ITGA7: variants seen among roughly 807,000 people sequenced by gnomAD.
ITGA7 encodes integrin subunit alpha 7.
ITGA7 carries 84 observed loss-of-function variants against 131.6 expected under a neutral mutation model. The observed-to-expected ratio is 0.64, with a 90% confidence interval of 0.54 to 0.77. The LOEUF is 0.77. ITGA7 is among the 30% of genes least tolerant of loss of function. The pLI, the probability that ITGA7 is intolerant of heterozygous loss-of-function variation, is 0.00. For synonymous variants in ITGA7, 548 were observed against 600.7 expected (o/e 0.91, Z 1.28); for missense variants, 1,399 against 1,482.9 (o/e 0.94, Z 0.93).
upstream of ITGA7, among the ~76,000 whole-genome samples, chr12:55,711,598 C>T (rs1876124726): frequency 1.3e-5 from 2 of 151,950 alleles, no homozygotes; most frequent in Admixed American, 1.3e-4. Context: ...CACTGTACTT[C>T]AGCCTGGGCA....
chr12:55,700,904 C>A lies in ITGA7; in HGVS notation c.665G>T (p.Trp222Leu), dbSNP rs755469771. Residue 222 changes from tryptophan to leucine, a missense_variant, in exon 4 of 25, where the codon TGG (tryptophan) becomes TTG (leucine). Trp to Leu is a moderately conservative substitution (Grantham distance 61). Transcript: ENST00000257879. ...LLFGAPGTYN[W>L]KGLLFVTNID... ...CTTCCCGAGGAGTGACTCACCCTTC[C>A]AATTATAGGTTCCTGGGGCCCCAAA... 3.7e-6 allele frequency: 6 copies of A among 1,614,204 alleles called. No individual in the cohort carries two copies. The highest frequency in any genetic ancestry group is 5.1e-6 in the Non-Finnish European group (6 of 1,180,024).
In ITGA7 at chr12:55,697,055, C is replaced by T. The variant is rs2136020643; in HGVS notation, c.1581G>A (p.Val527=). The change falls in exon 12 of 25, where the codon GTG becomes GTA. Residue 527 remains valine, a synonymous_variant. Coordinates refer to ENST00000257879, the MANE Select transcript of ITGA7 (RefSeq NM_002206.3). ...SYSPTVALDY[V]LDADTDRRLR... ...GCCTCCGGTCTGTGTCCGCATCTAA[C>T]ACATAGTCCAGGGCTGTGGCATGTT... 1 of 1,613,934 alleles carries T rather than the reference C, an allele frequency of 6.2e-7. No individual in the cohort carries two copies. Among genetic ancestry groups the T allele is most frequent in the Non-Finnish European group, 8.5e-7 (1 of 1,179,930 alleles).
At chr12:55,700,129 G>T in intron 4 of ITGA7, 140 bp from the exon 5 acceptor site, 1 of 1,407,724 alleles carries the variant, frequency 7.1e-7, no homozygotes, top group South Asian at 1.3e-5. Context: ...AGAGATCACA[G>T]CCAGAGACAG....
rs1171244321 is a variant in ITGA7, at chr12:55,695,574, G to A, written c.1951C>T (p.Arg651Cys). ...KICQSNLQLV[R>C]ARFCTRVSDT... ...CTGACCCGGGTACAGAAGCGGGCGC[G>A]GACCAGCTGCAGATTGCTCTGGCAG... The change falls in exon 14 of 25, where the codon CGC becomes TGC. Residue 651 changes from arginine to cysteine, a missense_variant. Transcript: ENST00000257879. The A allele has an allele frequency of 4.3e-6, 7 of 1,613,800 alleles. No individual in the cohort carries two copies. Among genetic ancestry groups the A allele is most frequent in the African/African-American group, 1.3e-5 (1 of 74,820 alleles).
At chr12:55,714,356 CA>C (rs34086588), upstream of ITGA7, among the ~76,000 whole-genome samples, 63,955 of 136,686 alleles carry the variant, frequency 0.47, 9,641 homozygotes, top group East Asian at 0.72. Flanking sequence ...ACTAAAAATA[CA>C]AAAAAAAAAA....
chr12:55,703,772 T>C (rs1231904272), intron 1 of ITGA7, among the ~76,000 whole-genome samples: 1 of 152,072 alleles, frequency 6.6e-6, no homozygotes, highest in Non-Finnish European at 1.5e-5. Flanking sequence ...CAGGATTCCA[T>C]CAGTCACTCT....
upstream of ITGA7, among the ~76,000 whole-genome samples, chr12:55,713,717 T>C (rs1876299814): frequency 6.6e-6 from 1 of 152,246 alleles, no homozygotes; most frequent in South Asian, 2.1e-4. Flanking sequence ...TTTATTAGAA[T>C]TTTTATTTTG....
Position 55,685,174 on chromosome 12 carries a change from G to C in ITGA7, c.3298C>G (p.Leu1100Val), listed in dbSNP as rs750145019. The C allele has an allele frequency of 6.2e-7, 1 of 1,614,160 alleles. No homozygotes were observed. The highest frequency in any genetic ancestry group is 8.5e-7 in the Non-Finnish European group (1 of 1,180,022). ...CGGGGGCTGCCCCAGTTGTTCCTCA[G>C]GATGGTGCCCGTCTTCTCCTCCTTG... ...QFKEEKTGTILRNNWGSPRRE... is the reference protein window; with the variant it reads ...QFKEEKTGTIVRNNWGSPRRE... The change falls in exon 25 of 25, where the codon CTG (leucine) becomes GTG (valine). Residue 1100 changes from leucine to valine, a missense_variant. By Grantham distance (32) the Leu-to-Val change is conservative. Transcript: ENST00000257879.
intron 12 of ITGA7, 144 bp from the exon 13 acceptor site, chr12:55,696,576 A>G (rs1042324818): frequency 7.9e-6 from 8 of 1,011,296 alleles, no homozygotes; most frequent in African/African-American, 1.6e-5. Flanking sequence ...CTGAGCAAGG[A>G]GGAGGGAGAA....
chr12:55,686,986 C>T (rs979360866), intron 24 of ITGA7, among the ~76,000 whole-genome samples: 7 of 152,068 alleles, frequency 4.6e-5, no homozygotes, highest in African/African-American at 1.7e-4. Flanking sequence ...TACATCCTCA[C>T]CCTACTACCC....
rs1261789446 is a variant in ITGA7, at chr12:55,698,803, G to C, written c.905C>G (p.Ala302Gly). ...CATAACCTCGGGCACCAGGCGACTG[G>C]CGCTGTCCTTGCGCAGGATGACCAC... is the stretch of plus-strand genomic sequence containing the variant. ...GAVVILRKDS[A>G]SRLVPEVMLS... Residue 302 changes from alanine to glycine, a missense_variant, in exon 6 of 25, where the codon GCC becomes GGC. Transcript: ENST00000257879. 6.2e-7 allele frequency: 1 copy of C among 1,614,118 alleles called. No homozygotes were observed. The highest frequency in any genetic ancestry group is 2.2e-5 in the East Asian group (1 of 44,880).
At chr12:55,704,205 C>T (rs1874690768) in intron 1 of ITGA7, among the ~76,000 whole-genome samples, 1 of 152,250 alleles carries the variant, frequency 6.6e-6, no homozygotes, top group Non-Finnish European at 1.5e-5. Context: ...TCTTCTCCTC[C>T]ATCTCCCTTC....
intron 22 of ITGA7, 63 bp from the exon 23 acceptor site, chr12:55,688,363 C>T (rs997334501): frequency 8.7e-7 from 1 of 1,145,136 alleles, no homozygotes; most frequent in Non-Finnish European, 1.3e-6. Flanking sequence ...CTTCCCCTTA[C>T]CTCCTGAAAT....
upstream of ITGA7, among the ~76,000 whole-genome samples, chr12:55,714,273 G>A (rs1387786265): frequency 1.3e-5 from 2 of 152,166 alleles, no homozygotes; most frequent in African/African-American, 4.8e-5. Context: ...AGCACTTTGG[G>A]AGGCCGAGGC....
chr12:55,701,104 C>A lies in ITGA7; in HGVS notation c.465G>T (p.Glu155Asp), dbSNP rs866320745. 3.7e-6 allele frequency: 6 copies of A among 1,614,266 alleles called. No individual in the cohort carries two copies. In the Middle Eastern group the frequency reaches 9.9e-4, roughly 266 times the overall value. ...EARQRVDQIL[E>D]TRDMIGRCFV... Reference sequence around the variant, plus strand: ...AGCAGCGACCAATCATATCCCGCGTCTCCAGGATCTGGTCCACTCGCTGCC... The same window carrying A: ...AGCAGCGACCAATCATATCCCGCGTATCCAGGATCTGGTCCACTCGCTGCC... Residue 155 changes from glutamate to aspartate, a missense_variant, in exon 4 of 25, where the codon GAG (glutamate) becomes GAT (aspartate). Glu to Asp is a conservative substitution (Grantham distance 45). Transcript: ENST00000257879.
At position 55,707,624 on chromosome 12, in the gene ITGA7, C is replaced by CCAAAAAGGTAG; in HGVS notation, c.48_58dup (p.Gly20AlafsTer23). ...GAAGAGCAGTTCGACGAGCAGGGAG[C>CCAAAAAGGTAG]CAAAAAGGTAGCAAATCCCGGAGGC... On this transcript the variant is annotated frameshift_variant, in exon 1 of 25. Transcript: ENST00000257879. LOFTEE classifies it high-confidence loss of function. 1 of 1,610,024 alleles carries CCAAAAAGGTAG rather than the reference C, an allele frequency of 6.2e-7. No individual in the cohort carries two copies.
At position 55,694,454 on chromosome 12, in the gene ITGA7, C is replaced by CAGCT; in HGVS notation, c.2342_2345dup (p.Leu783AlafsTer8). The CAGCT allele has an allele frequency of 6.2e-7, 1 of 1,614,208 alleles. No individual in the cohort carries two copies. The highest frequency in any genetic ancestry group is 8.5e-7 in the Non-Finnish European group (1 of 1,180,028). ...CCCGCCTGGCTTACGTGGCCAACAGCAGCTCTACCTCCAGTTCCGTGGTCT... is the reference window on the plus strand; with the variant it reads ...CCCGCCTGGCTTACGTGGCCAACAGCAGCTAGCTCTACCTCCAGTTCCGTGGTCT... On this transcript the variant is annotated frameshift_variant, in exon 17 of 25. Transcript: ENST00000257879. LOFTEE classifies it high-confidence loss of function. The surrounding 1 kb of genome is among the most constrained non-coding windows in gnomAD (Gnocchi z 5.3).
chr12:55,714,474 C>T (rs7311834), upstream of ITGA7, among the ~76,000 whole-genome samples: 12,164 of 146,074 alleles, frequency 0.083, 408 homozygotes, highest in African/African-American at 0.2. Flanking sequence ...GCCGAGATCC[C>T]GCCACTGCAC....
In ITGA7 at chr12:55,698,923, G is replaced by A. The variant is rs1485968533; in HGVS notation, c.791-6C>T. 1 of 1,605,230 alleles carries A rather than the reference G, an allele frequency of 6.2e-7. No individual in the cohort carries two copies. On this transcript the variant is annotated splice_region_variant and splice_polypyrimidine_tract_variant and intron_variant, in intron 5 of 24. Coordinates refer to ENST00000257879, the MANE Select transcript of ITGA7 (RefSeq NM_002206.3). ...CCCCGAGTCAATAGAGAAGCCTGGG[G>A]GAAGGGTGACTTACCCCTAAGTCTT...
Sources: allele counts gnomAD v4.1 joint callset (sites outside exome capture counted in the v4.1 genomes callset), GRCh38; gene constraint gnomAD v4.1.1; non-coding constraint Gnocchi (gnomAD v3.1); transcripts MANE v1.5; gene names NCBI Gene and HGNC (gene_info 2026-07-23, HGNC 2026-07-21).